KRT73: variants seen among roughly 807,000 people sequenced by gnomAD.
The protein encoded by KRT73 is keratin 73, also known as keratin, type II cytoskeletal 73.
In KRT73, 44 loss-of-function variants were observed where a neutral mutation model predicts 47.2. The observed-to-expected ratio is 0.93, with a 90% CI of 0.73 to 1.20. The LOEUF (loss-of-function observed/expected upper bound fraction) is 1.20. Ranked by LOEUF, KRT73 falls within the 50% of genes most tolerant of loss-of-function variation. The pLI, the probability that KRT73 is intolerant of heterozygous loss-of-function variation, is 0.00. For missense variants in KRT73, 713 were observed against 704.5 expected (o/e 1.01, Z -0.14); for synonymous variants, 285 against 291.3 (o/e 0.98, Z 0.22).
rs776906416 is a variant in KRT73 at position 52,618,491 on chromosome 12, C to T, written c.34G>A (p.Ala12Thr). The T allele has an allele frequency of 2.5e-6, 4 of 1,608,816 alleles. No homozygotes were observed. The South Asian group carries it at 3.3e-5, about 13-fold the overall frequency. ...SRQFTYKSGA[A>T]AKGGFSGCSA... is the part of the protein sequence containing the mutation. Reference sequence around the variant, plus strand: ...CAGCCGCTGAAGCCCCCCTTGGCAGCAGCTCCCGACTTGTAGGTGAATTGG... The same window carrying T: ...CAGCCGCTGAAGCCCCCCTTGGCAGTAGCTCCCGACTTGTAGGTGAATTGG... Residue 12 changes from alanine (A) to threonine (T), a missense_variant, in exon 1 of 9, where the codon GCT (alanine) becomes ACT (threonine). By Grantham distance (58) the Ala-to-Thr change is moderately conservative (BLOSUM62 0). Transcript: ENST00000305748.
At chr12:52,614,763 A>G (rs2120872446) in intron 3 of KRT73, 89 bp from the exon 4 acceptor site, 1 of 1,030,158 alleles carries the variant, frequency 9.7e-7, no homozygotes, top group East Asian at 2.6e-5. Flanking sequence ...GCCCTGCCCT[A>G]GCTAGCTGCC....
intron 7 of KRT73, among the ~76,000 whole-genome samples, 162 bp from the exon 8 acceptor site, chr12:52,609,443 T>C (rs1940650295): frequency 6.6e-6 from 1 of 152,056 alleles, no homozygotes; most frequent in African/African-American, 2.4e-5. Flanking sequence ...CTCTAAGCCC[T>C]CCCTCTCGCT....
Position 52,608,250 on chromosome 12 carries a change from GT to G in KRT73, c.1568del (p.Asp523AlafsTer7). The G allele has an allele frequency of 6.2e-7, 1 of 1,613,984 alleles. No homozygotes were observed. Among genetic ancestry groups the G allele is most frequent in the Non-Finnish European group, 8.5e-7 (1 of 1,179,990 alleles). ...TTAGAGCTAAGGTCTTTCCCTGGGAGTCCCTGAATTCACTTGCACTCCCCAG... is the reference window on the plus strand; with the variant it reads ...TTAGAGCTAAGGTCTTTCCCTGGGAGCCCTGAATTCACTTGCACTCCCCAG... Reference protein sequence around the residue: ...TRLGSASEFRDSQGKTLALSS... With the variant: ...TRLGSASEFRXSQGKTLALSS... On this transcript the variant is annotated frameshift_variant, in exon 9 of 9. Coordinates refer to ENST00000305748, the MANE Select transcript of KRT73 (RefSeq NM_175068.3). LOFTEE classifies it high-confidence loss of function.
chr12:52,610,529 G>GA lies in KRT73; in HGVS notation c.1331+85_1331+86insT. 25 of 295,156 alleles carry GA rather than the reference G, an allele frequency of 8.5e-5. 1 individual carries two copies. Among genetic ancestry groups the GA allele is most frequent in the South Asian group, 1.3e-4 (5 of 37,634 alleles). 18.3% of individuals were successfully genotyped at this position (295,156 alleles called of 1,614,324 possible). ...GAAGTAAACACATCGCCAGCTCGCCGCCCCCTCCCCCCCGCCCCCAACCAC... is the reference window on the plus strand; with the variant it reads ...GAAGTAAACACATCGCCAGCTCGCCGACCCCCTCCCCCCCGCCCCCAACCAC... On this transcript the variant is annotated intron_variant, in intron 7 of 8. Transcript: ENST00000305748.
At chr12:52,619,561 G>A (rs897493318), upstream of KRT73, among the ~76,000 whole-genome samples, 18 of 152,106 alleles carry the variant, frequency 1.2e-4, no homozygotes, top group African/African-American at 3.9e-4. Flanking sequence ...TTATTCATTC[G>A]TCCATCTATC....
intron 5 of KRT73, among the ~76,000 whole-genome samples, chr12:52,611,796 C>T (rs1447287034): frequency 3.3e-5 from 5 of 152,156 alleles, no homozygotes; most frequent in Non-Finnish European, 5.9e-5. Context: ...AGCCTCTCCT[C>T]TGACCTGAAA....
In KRT73 at chr12:52,615,457, A is replaced by G. The variant is rs2120874613; in HGVS notation, c.663-118T>C. 7.9e-6 allele frequency: 6 copies of G among 759,108 alleles called. No homozygotes were observed. In the South Asian group the frequency reaches 1.0e-4, roughly 13 times the overall value. The allele number at this position is 759,108 out of a possible 1,614,324, so 47.0% of individuals were successfully genotyped here. A position where few individuals can be genotyped will look rare whatever the true frequency, so the allele number is the denominator to read the frequency against. Reference sequence around the variant, plus strand: ...TATGCCTTTTAAGAGGTATTATTCTATACCTTTGCAAGTCCATCCCAACAC... The same window carrying G: ...TATGCCTTTTAAGAGGTATTATTCTGTACCTTTGCAAGTCCATCCCAACAC... On this transcript the variant is annotated intron_variant, in intron 2 of 8. Coordinates refer to ENST00000305748, the MANE Select transcript of KRT73 (RefSeq NM_175068.3).
chr12:52,615,676 A>T (rs556335782), intron 2 of KRT73, among the ~76,000 whole-genome samples: 1 of 152,230 alleles, frequency 6.6e-6, no homozygotes, highest in South Asian at 2.1e-4. Context: ...CTGCTGCCTG[A>T]CAACCTACCA....
chr12:52,627,285 T>C, the KRT73 span, among the ~76,000 whole-genome samples: 1 of 152,230 alleles, frequency 6.6e-6, no homozygotes, highest in South Asian at 2.1e-4. Context: ...TTCACTTACC[T>C]GCTTCCCAGT....
chr12:52,608,988 A>G (rs1168675893), intron 8 of KRT73, among the ~76,000 whole-genome samples: 1 of 152,146 alleles, frequency 6.6e-6, no homozygotes, highest in Non-Finnish European at 1.5e-5. Flanking sequence ...GGAGGGGCTG[A>G]GAGTTTCACC....
At chr12:52,613,453 T>C in intron 5 of KRT73, 1 of 621,978 alleles carries the variant, frequency 1.6e-6, no homozygotes, top group Non-Finnish European at 2.5e-6. Flanking sequence ...TGGACTCTGT[T>C]TACACCACAT....
intron 5 of KRT73, chr12:52,612,862 C>T (rs1430760501): frequency 6.6e-6 from 1 of 152,218 alleles, no homozygotes; most frequent in Non-Finnish European, 1.5e-5. Flanking sequence ...GCCCTACGTT[C>T]TTTATCTTTA....
chr12:52,616,540 T>C (rs991917563), intron 1 of KRT73, among the ~76,000 whole-genome samples, 160 bp from the exon 2 acceptor site: 4 of 152,210 alleles, frequency 2.6e-5, no homozygotes, highest in Admixed American at 2.0e-4. Context: ...ACTCCTTACC[T>C]AGGGTCCTTT....
At chr12:52,621,866 G>A (rs146418445), upstream of KRT73, among the ~76,000 whole-genome samples, 79 of 152,150 alleles carry the variant, frequency 5.2e-4, no homozygotes, top group African/African-American at 1.6e-3. Flanking sequence ...GAAAGAAGCC[G>A]GGATTCCATC....
upstream of KRT73, among the ~76,000 whole-genome samples, chr12:52,619,652 C>A (rs570426945): frequency 5.3e-5 from 8 of 152,226 alleles, no homozygotes; most frequent in African/African-American, 1.9e-4. Context: ...GGCTGACTCT[C>A]TCCCAGGTAC....
At chr12:52,609,006 G>A (rs763631758) in intron 8 of KRT73, among the ~76,000 whole-genome samples, 31 of 152,284 alleles carry the variant, frequency 2.0e-4, no homozygotes, top group Non-Finnish European at 1.9e-4. Flanking sequence ...ACCACAGCAG[G>A]CAGGAGATTG....
chr12:52,627,690 C>G, the KRT73 span, among the ~76,000 whole-genome samples: 17 of 152,250 alleles, frequency 1.1e-4, no homozygotes, highest in South Asian at 2.1e-3. Flanking sequence ...ACACTATTAC[C>G]CTGCAATTAG....
chr12:52,609,339 C>G, intron 7 of KRT73, 58 bp from the exon 8 acceptor site: 1 of 1,454,008 alleles, frequency 6.9e-7, no homozygotes, highest in Admixed American at 1.7e-5. Flanking sequence ...TAGTGGCCCT[C>G]ACTGCCTAAA....
At chr12:52,608,508 TA>T in intron 8 of KRT73, 56 bp from the exon 9 acceptor site, 2 of 1,476,756 alleles carry the variant, frequency 1.4e-6, no homozygotes, top group Non-Finnish European at 9.0e-7. Context: ...GAGGTGGCCT[TA>T]AGTCCCCCTC....
Sources: gnomAD v4.1 joint callset for allele counts (sites outside exome capture counted in the v4.1 genomes callset) on GRCh38, gnomAD v4.1.1 for gene constraint, MANE v1.5 for transcripts, NCBI Gene and HGNC (gene_info 2026-07-23, HGNC 2026-07-21) for gene names.